ADCY1: variants seen among roughly 807,000 people sequenced by gnomAD.
ADCY1 encodes adenylate cyclase type 1.
In ADCY1, 28 loss-of-function variants were observed where a neutral mutation model predicts 105.4. The observed-to-expected ratio is 0.27, with a 90% CI of 0.20 to 0.36. The LOEUF (loss-of-function observed/expected upper bound fraction) is 0.36, where lower values mean the gene tolerates loss of function less well. Ranked by LOEUF, ADCY1 falls within the 10% of genes least tolerant of loss-of-function variation. The probability of loss-of-function intolerance (pLI) is 1.00; values close to 1 mark genes in which losing one functional copy is unlikely to be tolerated. For synonymous variants in ADCY1, 655 were observed against 623.8 expected (o/e 1.05, Z -0.75); for missense variants, 977 against 1,434.2 (o/e 0.68, Z 5.15).
rs112875566 is a variant in ADCY1 at position 45,606,729 on chromosome 7, T to A, written c.790-3650T>A. Among the ~76,000 whole-genome samples, 485 of 152,350 alleles carry A rather than the reference T, an allele frequency of 3.2e-3. 3 individuals carry two copies. Among genetic ancestry groups the A allele is most frequent in the Middle Eastern group, 0.017 (5 of 294 alleles). On this transcript the variant is annotated intron_variant, in intron 2 of 19. Coordinates refer to ENST00000297323, the MANE Select transcript of ADCY1 (RefSeq NM_021116.4). ...TTGTCACTGAAAATCTAGTTTTTTT[T>A]AAGAGTACATTTAAGTCACATTTTG...
chr7:45,574,596 C>T lies in ADCY1; in HGVS notation c.53C>T (p.Pro18Leu), dbSNP rs1196026445. Residue 18 changes from proline to leucine, a missense_variant, in exon 1 of 20, where the codon CCC becomes CTC. Transcript: ENST00000297323. The surrounding 1 kb of genome is among the most constrained non-coding windows in gnomAD (Gnocchi z 7.0). ...GGCGGCGGAGGCGGCGCGGGCGAGC[C>T]CGGGGGCGCCGAGCGGGCGGCCGGG... Reference protein sequence around the residue: ...GGGGGGGAGEPGGAERAAGTS... With the variant: ...GGGGGGGAGELGGAERAAGTS... The T allele has an allele frequency of 1.6e-5, 17 of 1,088,400 alleles. No homozygotes were observed. The East Asian group carries it at 8.8e-4, about 57-fold the overall frequency. The allele number at this position is 1,088,400 out of a possible 1,614,324, so 67.4% of individuals were successfully genotyped here. A position where few individuals can be genotyped will look rare whatever the true frequency, so the allele number is the denominator to read the frequency against.
intron 4 of ADCY1, among the ~76,000 whole-genome samples, chr7:45,638,172 A>G (rs767021507): frequency 2.6e-5 from 4 of 152,196 alleles, no homozygotes; most frequent in Non-Finnish European, 5.9e-5. Context: ...CCTTTTTCAA[A>G]TACATTTTAT....
At chr7:45,677,502 A>G (rs566062526) in intron 8 of ADCY1, among the ~76,000 whole-genome samples, 1 of 151,760 alleles carries the variant, frequency 6.6e-6, no homozygotes, top group Admixed American at 6.6e-5. Context: ...AGGGGGTTGG[A>G]CTCCTGCTCT....
rs747332871 is a variant in ADCY1, at chr7:45,591,020, G to A, written c.640-1739G>A. Among the ~76,000 whole-genome samples, 3 of 152,160 alleles carry A rather than the reference G, an allele frequency of 2.0e-5. No homozygotes were observed. The highest frequency in any genetic ancestry group is 2.9e-5 in the Non-Finnish European group (2 of 68,034). On this transcript the variant is annotated intron_variant, in intron 1 of 19. Transcript: ENST00000297323. This position sits in a 1 kb window ranked among gnomAD's most constrained non-coding sequence, Gnocchi z 4.1. ...CTGTCAGCTGGAGCCCTGCAGATTC[G>A]TGTTCCTTGTCCTCCCTCCCTGTCA...
chr7:45,596,330 G>A (rs1793071566), intron 2 of ADCY1, among the ~76,000 whole-genome samples: 1 of 151,868 alleles, frequency 6.6e-6, no homozygotes. Flanking sequence ...TGGATTGGGG[G>A]ATGCACTGAG....
At chr7:45,702,097 G>A (rs35477338) in intron 14 of ADCY1, among the ~76,000 whole-genome samples, 2,313 of 152,254 alleles carry the variant, frequency 0.015, 24 homozygotes, top group Non-Finnish European at 0.022. Context: ...TCGGGGCCTC[G>A]TCATCTCTAT....
chr7:45,679,857 A>G (rs1784523794), intron 11 of ADCY1, 64 bp downstream of exon 11: 6 of 1,543,398 alleles, frequency 3.9e-6, no homozygotes, highest in Admixed American at 1.7e-5. Context: ...AGTGGCCTGT[A>G]TCCTGCACCT....
At chr7:45,644,832 AG>A (rs1794617442) in intron 4 of ADCY1, among the ~76,000 whole-genome samples, 2 of 152,336 alleles carry the variant, frequency 1.3e-5, no homozygotes, top group Non-Finnish European at 2.9e-5. Context: ...TGCTAACAAA[AG>A]CCAGGGCCTC....
chr7:45,703,750 A>G lies in ADCY1; in HGVS notation c.2718+4A>G. On this transcript the variant is annotated splice_donor_region_variant and intron_variant, in intron 16 of 19. Coordinates refer to ENST00000297323, the MANE Select transcript of ADCY1 (RefSeq NM_021116.4). The surrounding 1 kb of genome is among the most constrained non-coding windows in gnomAD (Gnocchi z 5.9). ...GATCATCGCCGACTTTGACGAGGTG[A>G]GGCTGTGCGTCGCCATCCTGACCCC... 1 of 1,570,890 alleles carries G rather than the reference A, an allele frequency of 6.4e-7. No homozygotes were observed. Among genetic ancestry groups the G allele is most frequent in the Non-Finnish European group, 8.6e-7 (1 of 1,156,162 alleles).
chr7:45,599,538 G>A (rs181410875), intron 2 of ADCY1, among the ~76,000 whole-genome samples: 5 of 151,682 alleles, frequency 3.3e-5, no homozygotes, highest in Admixed American at 6.6e-5. Flanking sequence ...GGAAGATGCC[G>A]GAGCTGGTTG....
chr7:45,618,219 A>G (rs1432543554), intron 3 of ADCY1, among the ~76,000 whole-genome samples: 1 of 152,264 alleles, frequency 6.6e-6, no homozygotes, highest in Non-Finnish European at 1.5e-5. Flanking sequence ...ACCATACACA[A>G]AAATAAACTC....
At chr7:45,621,808 T>A (rs1343448462) in intron 3 of ADCY1, among the ~76,000 whole-genome samples, 1 of 152,196 alleles carries the variant, frequency 6.6e-6, no homozygotes, top group Non-Finnish European at 1.5e-5. Context: ...AAGAACACTT[T>A]GAACAAATGT....
chr7:45,691,611 C>A (rs1419373364), intron 14 of ADCY1, among the ~76,000 whole-genome samples: 1 of 152,212 alleles, frequency 6.6e-6, no homozygotes, highest in African/African-American at 2.4e-5. Context: ...GTTCCAGTGT[C>A]ATTTCTTTCT....
intron 4 of ADCY1, among the ~76,000 whole-genome samples, chr7:45,628,066 G>A (rs1378846781): frequency 6.6e-6 from 1 of 152,216 alleles, no homozygotes; most frequent in Non-Finnish European, 1.5e-5. Context: ...AGAAGCAATT[G>A]TCATGTCACC....
At chr7:45,617,584 A>C (rs1793771091) in intron 3 of ADCY1, among the ~76,000 whole-genome samples, 1 of 152,248 alleles carries the variant, frequency 6.6e-6, no homozygotes, top group African/African-American at 2.4e-5. Context: ...TACGAAAATC[A>C]GTAGCATTCC....
At chr7:45,664,348 C>T (rs1326141485) in intron 8 of ADCY1, 1 of 1,536,138 alleles carries the variant, frequency 6.5e-7, no homozygotes. Flanking sequence ...GGTCTCCCAC[C>T]CTGCAACGGG....
intron 14 of ADCY1, among the ~76,000 whole-genome samples, chr7:45,702,249 C>G (rs1439557807): frequency 6.6e-6 from 1 of 152,228 alleles, no homozygotes; most frequent in African/African-American, 2.4e-5. Flanking sequence ...AAGGGGCATG[C>G]TGTCCCCTCA....
At chr7:45,590,875 C>T (rs1036885823) in intron 1 of ADCY1, among the ~76,000 whole-genome samples, 1 of 152,114 alleles carries the variant, frequency 6.6e-6, no homozygotes, top group African/African-American at 2.4e-5. Context: ...GTGCCTTTGC[C>T]AGTGTGTGGT....
chr7:45,683,790 C>T (rs1322074991), intron 11 of ADCY1, among the ~76,000 whole-genome samples: 1 of 152,190 alleles, frequency 6.6e-6, no homozygotes, highest in Non-Finnish European at 1.5e-5. Flanking sequence ...AGGCTCTACT[C>T]AGGCCCAGCG....
Sources: gnomAD v4.1 joint callset for allele counts (sites outside exome capture counted in the v4.1 genomes callset) on GRCh38, gnomAD v4.1.1 for gene constraint, Gnocchi (gnomAD v3.1) non-coding constraint, MANE v1.5 for transcripts, NCBI Gene and HGNC (gene_info 2026-07-23, HGNC 2026-07-21) for gene names.